The following DOCK8 variants were observed in gnomAD, a reference collection of about 807,000 sequenced individuals.
DOCK8 encodes dedicator of cytokinesis 8.
Under a neutral mutation model 245.6 loss-of-function variants are expected in DOCK8, and 141 were observed. That is an observed-to-expected ratio of 0.57 (90% CI 0.50 to 0.66). DOCK8 has a LOEUF of 0.66. Among genes scored for constraint, DOCK8 ranks in the 30% least tolerant of loss-of-function variants. The pLI is 0.00. For synonymous variants in DOCK8, 1,168 were observed against 970.2 expected (o/e 1.20, Z -3.79); for missense variants, 2,965 against 2,603.4 (o/e 1.14, Z -3.02).
chr9:375,215 T>C (rs1021270489), intron 18 of DOCK8, among the ~76,000 whole-genome samples: 2 of 152,194 alleles, frequency 1.3e-5, no homozygotes, highest in Non-Finnish European at 2.9e-5. Context: ...CCATCCCCTG[T>C]ACACATCTAC....
At chr9:449,669 A>T in intron 44 of DOCK8, 115 bp from the exon 45 acceptor site, 1 of 1,324,236 alleles carries the variant, frequency 7.6e-7, no homozygotes. Context: ...TTACTCTGAA[A>T]GTCTTTCCCT....
At chr9:301,622 C>G (rs545039129) in intron 4 of DOCK8, among the ~76,000 whole-genome samples, 1 of 152,304 alleles carries the variant, frequency 6.6e-6, no homozygotes, top group South Asian at 2.1e-4. Context: ...CTAAAAGGCT[C>G]CTAGAACTGA....
At chr9:292,742 T>C (rs1408110195) in intron 4 of DOCK8, among the ~76,000 whole-genome samples, 1 of 152,184 alleles carries the variant, frequency 6.6e-6, no homozygotes, top group Non-Finnish European at 1.5e-5. Context: ...GTTTTTAATT[T>C]TCAACATTCA....
At chr9:333,395 ATT>A (rs1563931554) in intron 10 of DOCK8, among the ~76,000 whole-genome samples, 3 of 152,186 alleles carry the variant, frequency 2.0e-5, no homozygotes, top group African/African-American at 4.8e-5. Context: ...AGGTCAGAAG[ATT>A]GAGACCATCC....
At chr9:292,534 G>A (rs2049091351) in intron 4 of DOCK8, among the ~76,000 whole-genome samples, 1 of 150,278 alleles carries the variant, frequency 6.7e-6, no homozygotes, top group Non-Finnish European at 1.5e-5. Flanking sequence ...ATTAGATTAG[G>A]CATCTTTCTT....
chr9:429,886 A>G (rs1458290222), intron 36 of DOCK8, 32 bp downstream of exon 36: 15 of 1,612,262 alleles, frequency 9.3e-6, no homozygotes, highest in Admixed American at 3.4e-5. Flanking sequence ...GTGACCTGGA[A>G]TCAGTAGAGA....
intron 2 of DOCK8, chr9:273,243 T>TTA: frequency 2.0e-6 from 1 of 498,316 alleles, no homozygotes; most frequent in Non-Finnish European, 2.6e-6. Context: ...GAAAATCTAC[T>TTA]TATGACTTCA....
At position 304,604 on chromosome 9, in the gene DOCK8, G is replaced by T. The variant is rs770350243; in HGVS notation, c.428G>T (p.Cys143Phe). 3.4e-5 allele frequency: 55 copies of T among 1,614,064 alleles called. No individual in the cohort carries two copies. The highest frequency in any genetic ancestry group is 8.5e-6 in the Non-Finnish European group (10 of 1,180,032). Residue 143 changes from cysteine to phenylalanine, a missense_variant, in exon 5 of 48, where the codon TGT (cysteine) becomes TTT (phenylalanine). Transcript: ENST00000432829. ...NRKNQGSPEICGFKKTGSRKD... is the reference protein window; with the variant it reads ...NRKNQGSPEIFGFKKTGSRKD... ...AGAAACCAAGGAAGTCCAGAAATCT[G>T]TGGCTTTAAAAAGACTGGATCTCGA...
At chr9:437,060 A>G (rs899315829) in intron 39 of DOCK8, among the ~76,000 whole-genome samples, 2 of 152,218 alleles carry the variant, frequency 1.3e-5, no homozygotes, top group African/African-American at 4.8e-5. Flanking sequence ...ATTAATGTGT[A>G]TGAGTGAATT....
chr9:338,836 G>C (rs377179666), intron 12 of DOCK8, among the ~76,000 whole-genome samples, 170 bp from the exon 13 acceptor site: 1 of 152,114 alleles, frequency 6.6e-6, no homozygotes, highest in African/African-American at 2.4e-5. Context: ...TGATTGAGAA[G>C]GATTTAACAA....
At chr9:373,342 T>C (rs1347990332) in intron 18 of DOCK8, among the ~76,000 whole-genome samples, 3 of 152,242 alleles carry the variant, frequency 2.0e-5, no homozygotes, top group Non-Finnish European at 4.4e-5. Flanking sequence ...TCTTAAAAGA[T>C]AAGGGATTTG....
intron 14 of DOCK8, among the ~76,000 whole-genome samples, chr9:360,524 G>A (rs1171102231): frequency 6.6e-6 from 1 of 152,100 alleles, no homozygotes; most frequent in East Asian, 1.9e-4. Context: ...CAAAGTAGCA[G>A]GAAAAAATTT....
intron 10 of DOCK8, among the ~76,000 whole-genome samples, chr9:333,049 A>G (rs998845809): frequency 3.3e-5 from 5 of 151,950 alleles, no homozygotes; most frequent in African/African-American, 1.2e-4. Context: ...GGGCAAGGCC[A>G]CCCCCTGTTG....
intron 2 of DOCK8, among the ~76,000 whole-genome samples, chr9:285,378 C>T (rs532668104): frequency 6.6e-6 from 1 of 152,104 alleles, no homozygotes; most frequent in South Asian, 2.1e-4. Flanking sequence ...GCCCTTGTCT[C>T]CCATCAAGGC....
chr9:251,270 A>G (rs1308104215), intron 1 of DOCK8, among the ~76,000 whole-genome samples: 2 of 152,216 alleles, frequency 1.3e-5, no homozygotes, highest in Non-Finnish European at 2.9e-5. Flanking sequence ...CAAACTACAC[A>G]AAAAGAGAAT....
At position 420,514 on chromosome 9, in the gene DOCK8, C is replaced by G; in HGVS notation, c.3954C>G (p.Asp1318Glu). The G allele has an allele frequency of 6.2e-7, 1 of 1,614,156 alleles. No individual in the cohort carries two copies. The highest frequency in any genetic ancestry group is 8.5e-7 in the Non-Finnish European group (1 of 1,180,038). The change falls in exon 31 of 48, where the codon GAC becomes GAG. Residue 1318 changes from aspartate (D) to glutamate (E), a missense_variant. Transcript: ENST00000432829. ...DQSLIRKWIA[D>E]LPSTQLNRIL... ...GCCTCATTAGGAAGTGGATTGCTGACCTGCCATCAACGCAGCTCAACAGGA... is the reference window on the plus strand; with the variant it reads ...GCCTCATTAGGAAGTGGATTGCTGAGCTGCCATCAACGCAGCTCAACAGGA...
intron 2 of DOCK8, among the ~76,000 whole-genome samples, chr9:277,486 G>GAAGAGAAGAGAAGAC (rs2048403115): frequency 7.3e-6 from 1 of 137,178 alleles, no homozygotes; most frequent in South Asian, 2.3e-4. Flanking sequence ...GAAGAGAAGA[G>GAAGAGAAGAGAAGAC]AAGACATACA....
At chr9:312,647 C>T in intron 6 of DOCK8, 1 of 357,330 alleles carries the variant, frequency 2.8e-6, no homozygotes, top group South Asian at 2.2e-5. Context: ...ATAATCACAG[C>T]CCATGCTCCC....
intron 24 of DOCK8, among the ~76,000 whole-genome samples, chr9:396,371 T>G (rs929350042): frequency 6.6e-6 from 1 of 152,174 alleles, no homozygotes; most frequent in African/African-American, 2.4e-5. Flanking sequence ...AGAAAAGACT[T>G]TAGTTCGCAT....
Sources: gnomAD v4.1 joint callset for allele counts (sites outside exome capture counted in the v4.1 genomes callset) on GRCh38, gnomAD v4.1.1 for gene constraint, MANE v1.5 for transcripts, NCBI Gene and HGNC (gene_info 2026-07-23, HGNC 2026-07-21) for gene names.